The following MCC variants were observed in gnomAD, a reference collection of about 807,000 sequenced individuals.
MCC encodes colorectal mutant cancer protein.
A neutral mutation model predicts 116.2 loss-of-function variants in MCC; 90 were observed. That is an observed-to-expected ratio of 0.77 (90% CI 0.65 to 0.92). The LOEUF (loss-of-function observed/expected upper bound fraction) is 0.92. Ranked by LOEUF, MCC falls within the 40% of genes least tolerant of loss-of-function variation. The pLI is 0.00. For missense variants in MCC, 1,516 were observed against 1,312.2 expected, an observed-to-expected ratio of 1.16 and a Z score of -2.40; for synonymous variants, 578 against 510.5, an observed-to-expected ratio of 1.13 and a Z score of -1.78.
intron 11 of MCC, among the ~76,000 whole-genome samples, chr5:113,073,772 C>T (rs1306437274): frequency 3.9e-5 from 6 of 152,198 alleles, no homozygotes; most frequent in Admixed American, 6.5e-5. Context: ...CACGGAGCTT[C>T]GCTCACTGCT....
Position 113,037,715 on chromosome 5 carries a change from C to CCT in MCC, c.2756+5814_2756+5815insAG, listed in dbSNP as rs574867220. Among the ~76,000 whole-genome samples, 560 of 152,144 alleles carry CCT rather than the reference C, an allele frequency of 3.7e-3. 7 individuals carry two copies. The highest frequency in any genetic ancestry group is 0.012 in the African/African-American group (505 of 41,502). On this transcript the variant is annotated intron_variant, in intron 17 of 18. Coordinates refer to ENST00000408903, the MANE Select transcript of MCC (RefSeq NM_001085377.2). ...TCTCAAAAAAGTACCAGAGAAGACT[C>CCT]AGAGAATAGCGGGAAGATACATGAT...
At chr5:113,188,306 C>T (rs1761999656) in intron 3 of MCC, among the ~76,000 whole-genome samples, 1 of 152,018 alleles carries the variant, frequency 6.6e-6, no homozygotes, top group African/African-American at 2.4e-5. Context: ...AAATTCTTCT[C>T]ATTGTTTACC....
intron 3 of MCC, among the ~76,000 whole-genome samples, chr5:113,189,057 G>T (rs996181249): frequency 6.6e-6 from 1 of 152,206 alleles, no homozygotes; most frequent in Admixed American, 6.5e-5. Flanking sequence ...CCTTGGAGGA[G>T]TGAGGCCGTC....
intron 3 of MCC, among the ~76,000 whole-genome samples, chr5:113,175,208 T>G (rs1251653233): frequency 6.6e-6 from 1 of 152,268 alleles, no homozygotes; most frequent in East Asian, 1.9e-4. Context: ...TCAATAAATT[T>G]TGAAAAATGG....
At chr5:113,263,028 T>C (rs1191467214) in intron 3 of MCC, among the ~76,000 whole-genome samples, 2 of 151,846 alleles carry the variant, frequency 1.3e-5, no homozygotes, top group African/African-American at 4.8e-5. Flanking sequence ...AAATGTTTTT[T>C]CCTACTTGTA....
intron 1 of MCC, among the ~76,000 whole-genome samples, chr5:113,411,016 T>C (rs900389314): frequency 6.6e-6 from 1 of 152,192 alleles, no homozygotes; most frequent in Non-Finnish European, 1.5e-5. Context: ...TTGATGGACA[T>C]ATAGGTTGGT....
chr5:113,324,273 C>A (rs59433715), intron 3 of MCC, among the ~76,000 whole-genome samples: 5,480 of 152,178 alleles, frequency 0.036, 333 homozygotes, highest in African/African-American at 0.13. Flanking sequence ...TGATGAATAA[C>A]AAACACAAAT....
chr5:113,242,548 T>A (rs182474125), intron 3 of MCC, among the ~76,000 whole-genome samples: 3 of 151,656 alleles, frequency 2.0e-5, no homozygotes, highest in African/African-American at 4.8e-5. Flanking sequence ...GTTTTTTTTT[T>A]AATCCCTCAA....
At chr5:113,363,225 C>G (rs909720118) in intron 2 of MCC, among the ~76,000 whole-genome samples, 7 of 152,086 alleles carry the variant, frequency 4.6e-5, no homozygotes, top group African/African-American at 1.7e-4. Context: ...TGCAGTGAGC[C>G]GAGATCACGC....
At chr5:113,397,310 C>T (rs1769552354) in intron 1 of MCC, among the ~76,000 whole-genome samples, 2 of 152,144 alleles carry the variant, frequency 1.3e-5, no homozygotes, top group South Asian at 2.1e-4. Context: ...TGACGTTGAG[C>T]CCATGCATTC....
intron 3 of MCC, among the ~76,000 whole-genome samples, chr5:113,189,245 T>C (rs1006233804): frequency 2.6e-5 from 4 of 152,194 alleles, no homozygotes; most frequent in Non-Finnish European, 4.4e-5. Flanking sequence ...AACTCGACAG[T>C]CAGCTGCCCC....
At chr5:113,237,938 T>G (rs1561477687) in intron 3 of MCC, among the ~76,000 whole-genome samples, 1 of 152,150 alleles carries the variant, frequency 6.6e-6, no homozygotes, top group Non-Finnish European at 1.5e-5. Context: ...TGAATGAGTA[T>G]GGTTTGGGGA....
In MCC at chr5:113,053,760, T is replaced by A; in HGVS notation, c.2413A>T (p.Asn805Tyr). Residue 805 changes from asparagine to tyrosine, a missense_variant, in exon 15 of 19, where the codon AAC becomes TAC. Coordinates refer to ENST00000408903, the MANE Select transcript of MCC (RefSeq NM_001085377.2). ...ATGAGCTCCTGCATAAGCACTGCGT[T>A]TTCCAGATCCAGCCTCTGGCTGTCT... The part of the protein sequence containing the change: ...RGDSQRLDLE[N>Y]AVLMQELMAM... The A allele has an allele frequency of 6.2e-7, 1 of 1,613,238 alleles. No individual in the cohort carries two copies. Among genetic ancestry groups the A allele is most frequent in the Non-Finnish European group, 8.5e-7 (1 of 1,179,250 alleles).
At chr5:113,174,238 A>G (rs1761212645) in intron 3 of MCC, among the ~76,000 whole-genome samples, 1 of 152,162 alleles carries the variant, frequency 6.6e-6, no homozygotes, top group African/African-American at 2.4e-5. Flanking sequence ...ACCTGAATCA[A>G]TGTTCCCAAC....
chr5:113,242,773 C>A (rs1299533379), intron 3 of MCC, among the ~76,000 whole-genome samples: 1 of 152,036 alleles, frequency 6.6e-6, no homozygotes, highest in Non-Finnish European at 1.5e-5. Flanking sequence ...TCGGGTACTT[C>A]AGAGAGCCAT....
chr5:113,261,722 G>C (rs1275473907), intron 3 of MCC, among the ~76,000 whole-genome samples: 1 of 152,124 alleles, frequency 6.6e-6, no homozygotes, highest in East Asian at 1.9e-4. Context: ...CAATCAACAT[G>C]GAAGAAATGA....
intron 3 of MCC, among the ~76,000 whole-genome samples, chr5:113,172,812 A>AAT (rs1761142026): frequency 9.9e-5 from 15 of 152,188 alleles, no homozygotes; most frequent in Admixed American, 7.2e-4. Context: ...AAGCTATTGC[A>AAT]ATATATATTT....
At chr5:113,328,602 C>A (rs929997768) in intron 3 of MCC, among the ~76,000 whole-genome samples, 2 of 152,192 alleles carry the variant, frequency 1.3e-5, no homozygotes, top group Admixed American at 1.3e-4. Context: ...ACTGCATCAA[C>A]GTGGCAGATG....
At chr5:113,096,140 A>G (rs1445974787) in intron 8 of MCC, among the ~76,000 whole-genome samples, 1 of 152,222 alleles carries the variant, frequency 6.6e-6, no homozygotes, top group Non-Finnish European at 1.5e-5. Context: ...TATCACTGCT[A>G]CATGGTGGGC....
Sources: gnomAD v4.1 joint callset for allele counts (sites outside exome capture counted in the v4.1 genomes callset) on GRCh38, gnomAD v4.1.1 for gene constraint, MANE v1.5 for transcripts, NCBI Gene and HGNC (gene_info 2026-07-23, HGNC 2026-07-21) for gene names.